The following PDE11A variants were observed in gnomAD, a reference collection of about 807,000 sequenced individuals.
PDE11A encodes phosphodiesterase 11A, also known as dual 3',5'-cyclic-AMP and -GMP phosphodiesterase 11A.
A neutral mutation model predicts 100.5 loss-of-function variants in PDE11A; 100 were observed. That is an observed-to-expected ratio of 1.00 (90% CI 0.85 to 1.18). PDE11A has a LOEUF of 1.18. PDE11A is among the 50% of genes most tolerant of loss of function. The pLI is 0.00. For synonymous variants in PDE11A, 381 were observed against 420.8 expected (o/e 0.91, Z 1.16); for missense variants, 1,141 against 1,152.6 (o/e 0.99, Z 0.15).
At chr2:177,734,058 T>A (rs1237396434) in intron 10 of PDE11A, among the ~76,000 whole-genome samples, 2 of 152,224 alleles carry the variant, frequency 1.3e-5, no homozygotes, top group Admixed American at 6.5e-5. Flanking sequence ...TTCTGTATTA[T>A]GCAAACTAAC....
intron 2 of PDE11A, among the ~76,000 whole-genome samples, chr2:177,931,618 A>T (rs1373110494): frequency 2.0e-5 from 3 of 152,156 alleles, no homozygotes; most frequent in African/African-American, 4.8e-5. Context: ...ACAGAGACGA[A>T]CATACCCAAA....
Position 178,072,754 on chromosome 2 carries a change from G to A in PDE11A, c.-317C>T. On this transcript the variant is annotated 5_prime_UTR_variant, in exon 1 of 20. Transcript: ENST00000286063. ...TGCTCCTGTTCTGGCTGCCGCCGCT[G>A]CTGCTGGAACTGCTGCTGTAACCGG... 2 of 1,305,444 alleles carry A rather than the reference G, an allele frequency of 1.5e-6. No homozygotes were observed. Among genetic ancestry groups the A allele is most frequent in the Non-Finnish European group, 2.0e-6 (2 of 1,019,104 alleles). 80.9% of individuals were successfully genotyped at this position (1,305,444 alleles called of 1,614,324 possible).
chr2:177,731,354 G>A (rs1488025087), intron 10 of PDE11A, among the ~76,000 whole-genome samples: 1 of 152,182 alleles, frequency 6.6e-6, no homozygotes, highest in African/African-American at 2.4e-5. Flanking sequence ...CTTCTCTGTA[G>A]GGGGAATGTG....
chr2:177,978,932 C>A (rs1179606479), intron 2 of PDE11A, among the ~76,000 whole-genome samples: 2 of 111,048 alleles, frequency 1.8e-5, no homozygotes, highest in Admixed American at 1.8e-4. Flanking sequence ...GTGGTGGGGT[C>A]GGGGGGAGGG....
At position 177,750,430 on chromosome 2, in the gene PDE11A, G is replaced by T. The variant is rs189171616; in HGVS notation, c.1788+18893C>A. 1.6e-4 allele frequency among the ~76,000 whole-genome samples: 25 copies of T among 152,290 alleles called. No homozygotes were observed. The East Asian group carries it at 4.1e-3, about 25-fold the overall frequency. On this transcript the variant is annotated intron_variant, in intron 10 of 19. Coordinates refer to ENST00000286063, the MANE Select transcript of PDE11A (RefSeq NM_016953.4). ...TTAATGATGAGCATAATAATTAAAG[G>T]CTCATTCTTGAAATAGTATCAGTGC...
At chr2:177,837,327 A>G (rs572989198) in intron 6 of PDE11A, among the ~76,000 whole-genome samples, 22 of 152,220 alleles carry the variant, frequency 1.4e-4, no homozygotes, top group African/African-American at 5.1e-4. Context: ...CAAACTGGTC[A>G]GTAACAAACT....
chr2:177,718,655 T>C (rs1430304026), intron 12 of PDE11A, among the ~76,000 whole-genome samples: 1 of 152,218 alleles, frequency 6.6e-6, no homozygotes, highest in East Asian at 1.9e-4. Context: ...AATATATGTA[T>C]AGGAAAAAGA....
chr2:177,668,551 T>G (rs890036859), intron 18 of PDE11A, among the ~76,000 whole-genome samples: 2 of 152,176 alleles, frequency 1.3e-5, no homozygotes, highest in African/African-American at 4.8e-5. Flanking sequence ...AGCAACCAAT[T>G]AAGAATATTC....
At chr2:177,982,209 T>G (rs967221462) in intron 2 of PDE11A, among the ~76,000 whole-genome samples, 1 of 150,842 alleles carries the variant, frequency 6.6e-6, no homozygotes, top group African/African-American at 2.4e-5. Context: ...TCCTTAAATG[T>G]CTTGAGTGAG....
intron 9 of PDE11A, among the ~76,000 whole-genome samples, chr2:177,780,696 G>A (rs2082442362): frequency 6.6e-6 from 1 of 152,206 alleles, no homozygotes; most frequent in African/African-American, 2.4e-5. Flanking sequence ...ACACTTTTAT[G>A]TTTTGGAGAT....
chr2:178,094,980 A>C (rs2087469959), intron 2 of PDE11A, among the ~76,000 whole-genome samples: 1 of 152,184 alleles, frequency 6.6e-6, no homozygotes, highest in African/African-American at 2.4e-5. Context: ...CCACACGTGG[A>C]GATTATGGGG....
intron 2 of PDE11A, among the ~76,000 whole-genome samples, chr2:177,933,105 G>T (rs1182101353): frequency 6.8e-6 from 1 of 146,296 alleles, no homozygotes; most frequent in Non-Finnish European, 1.5e-5. Flanking sequence ...AAATACCTAG[G>T]AATACATCTA....
intron 10 of PDE11A, among the ~76,000 whole-genome samples, chr2:177,768,722 T>C (rs749551129): frequency 6.6e-6 from 1 of 152,166 alleles, no homozygotes; most frequent in Non-Finnish European, 1.5e-5. Context: ...GATCACTCTG[T>C]GCGGTAGTGA....
At chr2:178,091,830 C>G (rs1377069326) in intron 2 of PDE11A, among the ~76,000 whole-genome samples, 1 of 152,028 alleles carries the variant, frequency 6.6e-6, no homozygotes, top group African/African-American at 2.4e-5. Context: ...TTTTTTCTCC[C>G]TCTCTCTCAG....
At chr2:177,943,257 A>T (rs1192950163) in intron 2 of PDE11A, among the ~76,000 whole-genome samples, 1 of 152,230 alleles carries the variant, frequency 6.6e-6, no homozygotes, top group African/African-American at 2.4e-5. Context: ...TTGCTGGATT[A>T]TACGGTAGTT....
At chr2:178,036,114 T>C (rs1429878495) in intron 1 of PDE11A, among the ~76,000 whole-genome samples, 1 of 152,212 alleles carries the variant, frequency 6.6e-6, no homozygotes, top group Non-Finnish European at 1.5e-5. Context: ...TGATTGTATA[T>C]TTAGAAAACC....
chr2:177,737,007 G>A (rs1394726368), intron 10 of PDE11A, among the ~76,000 whole-genome samples: 3 of 151,742 alleles, frequency 2.0e-5, no homozygotes, highest in East Asian at 2.0e-4. Flanking sequence ...TTGGGAGGCC[G>A]AGGTGGGTGG....
intron 2 of PDE11A, among the ~76,000 whole-genome samples, chr2:178,091,436 A>T (rs1330435497): frequency 1.3e-5 from 2 of 152,166 alleles, no homozygotes; most frequent in African/African-American, 4.8e-5. Context: ...AAGGAATTGG[A>T]GCAGAAGATC....
chr2:177,675,874 A>C (rs961984796), intron 16 of PDE11A: 1 of 383,276 alleles, frequency 2.6e-6, no homozygotes, highest in Non-Finnish European at 5.0e-6. Context: ...TAAGCAAGAG[A>C]ATCAGTATAT....
Sources: allele counts gnomAD v4.1 joint callset (sites outside exome capture counted in the v4.1 genomes callset), GRCh38; gene constraint gnomAD v4.1.1; transcripts MANE v1.5; gene names NCBI Gene and HGNC (gene_info 2026-07-23, HGNC 2026-07-21).